The following ANK2 variants were observed in gnomAD, a reference collection of about 807,000 sequenced individuals.
ANK2 encodes ankyrin 2, also known as ankyrin-2.
ANK2 carries 83 observed loss-of-function variants against 360.5 expected under a neutral mutation model. The ratio of observed to expected loss-of-function variants is 0.23; its 90% CI spans 0.19 to 0.28. ANK2 has a LOEUF of 0.28. Ranked by LOEUF, ANK2 falls within the 10% of genes least tolerant of loss-of-function variation. The pLI is 1.00. For missense variants in ANK2, 4,201 were observed against 4,795.7 expected (o/e 0.88, Z 3.66); for synonymous variants, 1,740 against 1,759.5 (o/e 0.99, Z 0.28).
chr4:112,970,041 T>C (rs2038904854), intron 2 of ANK2, among the ~76,000 whole-genome samples: 2 of 152,092 alleles, frequency 1.3e-5, no homozygotes, highest in African/African-American at 4.8e-5. Context: ...TGGAGTGCGA[T>C]GGTGCTATCT....
chr4:112,819,906 G>A (rs1356226057), intron 1 of ANK2, among the ~76,000 whole-genome samples: 3 of 152,152 alleles, frequency 2.0e-5, no homozygotes, highest in Non-Finnish European at 2.9e-5. Context: ...CTGGCCCTCC[G>A]TCTCTGCCTA....
Position 113,363,455 on chromosome 4 carries a change from G to A in ANK2, c.10874G>A (p.Gly3625Glu), listed in dbSNP as rs1452452404. ...TTGAAGTACTGGCTAGAGAGGGATGGGAAACATGCTACAGGTAAGTGGGGA... is the reference window on the plus strand; with the variant it reads ...TTGAAGTACTGGCTAGAGAGGGATGAGAAACATGCTACAGGTAAGTGGGGA... ...ALLKYWLERDGKHATDTNLVE... is the reference protein window; with the variant it reads ...ALLKYWLERDEKHATDTNLVE... Residue 3625 changes from glycine (G) to glutamate (E), a missense_variant, in exon 40 of 46, where the codon GGG becomes GAG. Gly to Glu is a moderately conservative substitution (Grantham distance 98). This residue lies in a region of ANK2 where 2,642 missense variants were observed against 2,714.5 expected (regional missense o/e 0.97). Coordinates refer to ENST00000357077, the MANE Select transcript of ANK2 (RefSeq NM_001148.6). The A allele has an allele frequency of 1.2e-6, 2 of 1,613,454 alleles. No homozygotes were observed. Among genetic ancestry groups the A allele is most frequent in the Admixed American group, 3.3e-5 (2 of 59,986 alleles).
At chr4:113,089,596 C>A (rs1261996250) in intron 1 of ANK2, among the ~76,000 whole-genome samples, 1 of 152,276 alleles carries the variant, frequency 6.6e-6, no homozygotes, top group East Asian at 1.9e-4. Context: ...GAGGCTGAGG[C>A]GGGTGGATCA....
At chr4:113,378,028 T>C in intron 45 of ANK2, 1 of 749,826 alleles carries the variant, frequency 1.3e-6, no homozygotes, top group Non-Finnish European at 1.9e-6. Flanking sequence ...AGCAAAGCAA[T>C]AGATTGTTTG....
the ANK2 span, among the ~76,000 whole-genome samples, chr4:112,724,181 T>C: frequency 6.6e-6 from 1 of 151,864 alleles, no homozygotes; most frequent in African/African-American, 2.4e-5. Flanking sequence ...TCTCGTGCCT[T>C]AGCCTTCAGA....
At chr4:113,198,581 C>A (rs1335048119) in intron 3 of ANK2, among the ~76,000 whole-genome samples, 3 of 152,088 alleles carry the variant, frequency 2.0e-5, no homozygotes, top group African/African-American at 7.2e-5. Flanking sequence ...ATAAGCAGCT[C>A]GTTTCTCTAC....
chr4:112,918,451 T>C (rs896078942), intron 2 of ANK2, among the ~76,000 whole-genome samples: 1 of 152,140 alleles, frequency 6.6e-6, no homozygotes, highest in Non-Finnish European at 1.5e-5. Context: ...GCACCCACTC[T>C]CACTCTGAAA....
intron 2 of ANK2, among the ~76,000 whole-genome samples, chr4:113,040,095 A>G (rs1023612503): frequency 6.6e-6 from 1 of 151,988 alleles, no homozygotes; most frequent in Non-Finnish European, 1.5e-5. Context: ...TTACAGGAAA[A>G]CCCAATTATA....
the ANK2 span, among the ~76,000 whole-genome samples, chr4:112,706,078 CGGA>C: frequency 6.6e-6 from 1 of 150,852 alleles, no homozygotes; most frequent in Non-Finnish European, 1.5e-5. Context: ...AGGCCCGACG[CGGA>C]GGAGACCGAG....
the ANK2 span, among the ~76,000 whole-genome samples, chr4:112,772,041 C>T: frequency 2.0e-5 from 3 of 152,096 alleles, no homozygotes; most frequent in African/African-American, 4.8e-5. Context: ...AAATCCTTCT[C>T]GCATATGCTG....
chr4:113,175,191 A>C (rs2098144428), intron 2 of ANK2, among the ~76,000 whole-genome samples: 1 of 152,134 alleles, frequency 6.6e-6, no homozygotes, highest in African/African-American at 2.4e-5. Flanking sequence ...TTTGACAGAG[A>C]CCTAACTAGG....
intron 45 of ANK2, among the ~76,000 whole-genome samples, chr4:113,374,070 C>G (rs912448216): frequency 6.6e-6 from 1 of 152,120 alleles, no homozygotes; most frequent in Non-Finnish European, 1.5e-5. Context: ...ATTACAGGCA[C>G]CCACCACCAC....
intron 1 of ANK2, among the ~76,000 whole-genome samples, chr4:112,871,014 A>G (rs2072791486): frequency 6.6e-6 from 1 of 152,150 alleles, no homozygotes; most frequent in South Asian, 2.1e-4. Context: ...TCCTAATTTA[A>G]ATATTTAATA....
chr4:112,952,474 T>C (rs1406941841), intron 2 of ANK2, among the ~76,000 whole-genome samples: 2 of 152,354 alleles, frequency 1.3e-5, no homozygotes, highest in East Asian at 1.9e-4. Flanking sequence ...GTTGTCTTTA[T>C]TGTTCTGGGG....
In ANK2 at chr4:113,250,760, C is replaced by CCT. The variant is rs1039843617; in HGVS notation, c.990+899_990+900insTC. On this transcript the variant is annotated intron_variant, in intron 10 of 45. Coordinates refer to ENST00000357077, the MANE Select transcript of ANK2 (RefSeq NM_001148.6). ...CCATTCCACCTCATACCACCGCCCC[C>CCT]CCCCCCGACAGAGTTGGTATCAACT... is the stretch of plus-strand genomic sequence containing the variant. 1.1e-4 allele frequency among the ~76,000 whole-genome samples: 15 copies of CCT among 136,620 alleles called. 4 individuals carry two copies. Among genetic ancestry groups the CCT allele is most frequent in the South Asian group, 8.5e-4 (3 of 3,510 alleles). 89.6% of individuals were successfully genotyped at this position (136,620 alleles called of 152,430 possible).
intron 1 of ANK2, among the ~76,000 whole-genome samples, chr4:113,086,424 A>T (rs17045528): frequency 6.6e-6 from 1 of 152,196 alleles, no homozygotes; most frequent in African/African-American, 2.4e-5. Context: ...CAGTTGCAAC[A>T]CAACAAAAAC....
At chr4:113,318,824 A>T (rs1176013394) in intron 26 of ANK2, among the ~76,000 whole-genome samples, 6 of 152,148 alleles carry the variant, frequency 3.9e-5, no homozygotes, top group Non-Finnish European at 8.8e-5. Flanking sequence ...ATTCAGCATT[A>T]AAAAAACTGA....
At chr4:112,974,964 C>T (rs941966719) in intron 2 of ANK2, among the ~76,000 whole-genome samples, 8 of 152,054 alleles carry the variant, frequency 5.3e-5, no homozygotes, top group Non-Finnish European at 7.4e-5. Context: ...TCTAAATTGA[C>T]GCTTTCATTT....
chr4:113,364,229 G>A (rs2096406204), intron 40 of ANK2, among the ~76,000 whole-genome samples: 1 of 152,160 alleles, frequency 6.6e-6, no homozygotes, highest in South Asian at 2.1e-4. Flanking sequence ...TTAAATGTAT[G>A]TGTAACTCAC....
Sources: allele counts gnomAD v4.1 joint callset (sites outside exome capture counted in the v4.1 genomes callset), GRCh38; gene constraint gnomAD v4.1.1; regional missense constraint gnomAD v4.1.1; transcripts MANE v1.5; gene names NCBI Gene and HGNC (gene_info 2026-07-23, HGNC 2026-07-21).